Variants in ELOVL5 observed in about 807,000 individuals in gnomAD.
ELOVL5 encodes the protein very long chain fatty acid elongase 5.
A neutral mutation model predicts 38.6 loss-of-function variants in ELOVL5; 8 were observed. That is an observed-to-expected ratio of 0.21 (90% CI 0.12 to 0.37). ELOVL5 has a LOEUF of 0.37. ELOVL5 is among the 10% of genes least tolerant of loss of function. The probability of loss-of-function intolerance (pLI) is 1.00; values close to 1 mark genes in which losing one functional copy is unlikely to be tolerated. For missense variants in ELOVL5, 280 were observed against 367.8 expected (o/e 0.76, Z 1.95); for synonymous variants, 127 against 133.7 (o/e 0.95, Z 0.34).
chr6:53,277,893 A>G (rs1427291379), intron 3 of ELOVL5: 1 of 152,214 alleles, frequency 6.6e-6, no homozygotes, highest in East Asian at 1.9e-4. Flanking sequence ...CCAGGAGGGA[A>G]CCAAGGAACT....
intron 3 of ELOVL5, among the ~76,000 whole-genome samples, chr6:53,276,644 A>T (rs1299506804): frequency 6.6e-6 from 1 of 151,998 alleles, no homozygotes; most frequent in Non-Finnish European, 1.5e-5. Flanking sequence ...CTCAAACTTG[A>T]GTGTGCAGCA....
At chr6:53,317,807 T>C (rs1581972242) in intron 1 of ELOVL5, among the ~76,000 whole-genome samples, 1 of 147,358 alleles carries the variant, frequency 6.8e-6, no homozygotes, top group East Asian at 2.0e-4. Flanking sequence ...TAATAAAATT[T>C]TAAAAAAAGA....
intron 3 of ELOVL5, among the ~76,000 whole-genome samples, chr6:53,278,589 T>C (rs376247977): frequency 6.6e-6 from 1 of 152,210 alleles, no homozygotes; most frequent in East Asian, 1.9e-4. Context: ...CTTTGGAGTT[T>C]AGTTAAAGAA....
chr6:53,319,315 A>C (rs1015318839), intron 1 of ELOVL5, among the ~76,000 whole-genome samples: 2 of 138,436 alleles, frequency 1.4e-5, no homozygotes, highest in Admixed American at 1.5e-4. Flanking sequence ...AAAAAAAAAA[A>C]AGAAAGAAAG....
intron 1 of ELOVL5, among the ~76,000 whole-genome samples, chr6:53,334,451 A>G (rs9370199): frequency 0.36 from 55,272 of 151,978 alleles, 11,162 homozygotes; most frequent in African/African-American, 0.55. Flanking sequence ...AACCTATTTT[A>G]TTTTTATTAA....
At chr6:53,333,400 T>C (rs1369383319) in intron 1 of ELOVL5, among the ~76,000 whole-genome samples, 1 of 152,138 alleles carries the variant, frequency 6.6e-6, no homozygotes, top group Non-Finnish European at 1.5e-5. Flanking sequence ...ACTGACTTGA[T>C]CTGAAGAATG....
intron 1 of ELOVL5, among the ~76,000 whole-genome samples, chr6:53,315,678 G>C (rs1364163354): frequency 4.6e-5 from 7 of 152,096 alleles, no homozygotes; most frequent in African/African-American, 1.7e-4. Context: ...TCTGATTAAA[G>C]CAAAAGGGAA....
At chr6:53,309,274 G>C (rs1767726520) in intron 1 of ELOVL5, among the ~76,000 whole-genome samples, 1 of 152,110 alleles carries the variant, frequency 6.6e-6, no homozygotes, top group South Asian at 2.1e-4. Context: ...ATTGAACTGG[G>C]GCAGTATGGA....
chr6:53,326,608 C>A lies in ELOVL5; in HGVS notation c.-9+22209G>T, dbSNP rs78730627. 1.4e-4 allele frequency among the ~76,000 whole-genome samples: 21 copies of A among 152,308 alleles called. No individual in the cohort carries two copies. In the East Asian group the frequency reaches 4.0e-3, roughly 29 times the overall value. On this transcript the variant is annotated intron_variant, in intron 1 of 7. Coordinates refer to ENST00000304434, the MANE Select transcript of ELOVL5 (RefSeq NM_021814.5). ...ACCAGAGAAATCTTCCCTGATTCCT[C>A]CCGCAGAGCCCCAGACTAGGTTAGG...
intron 1 of ELOVL5, among the ~76,000 whole-genome samples, chr6:53,332,902 G>A (rs946215949): frequency 5.3e-5 from 8 of 152,222 alleles, no homozygotes; most frequent in African/African-American, 1.7e-4. Flanking sequence ...GGGCCACTAT[G>A]TGCCCCCAGC....
chr6:53,280,628 TGTTG>T (rs1766314535), intron 3 of ELOVL5, among the ~76,000 whole-genome samples: 1 of 152,226 alleles, frequency 6.6e-6, no homozygotes, highest in Non-Finnish European at 1.5e-5. Flanking sequence ...GGCCTGGCTG[TGTTG>T]CTCAGGCTGG....
In ELOVL5 at chr6:53,275,208, G is replaced by A. The variant is rs770493018; in HGVS notation, c.378C>T (p.Asp126=). The change falls in exon 5 of 8, where the codon GAC becomes GAT. Residue 126 remains aspartate, a synonymous_variant. Transcript: ENST00000304434. ...YYFSKLIEFM[D]TFFFILRKNN... ...TCTTGCGCAGGATGAAGAAGAAAGT[G>A]TCCATAAATTCTATGAGTTTGGAGA... The A allele has an allele frequency of 1.2e-6, 2 of 1,614,168 alleles. No homozygotes were observed. Among genetic ancestry groups the A allele is most frequent in the Non-Finnish European group, 1.7e-6 (2 of 1,180,000 alleles).
At chr6:53,340,941 G>A (rs1561895928) in intron 1 of ELOVL5, among the ~76,000 whole-genome samples, 3 of 152,136 alleles carry the variant, frequency 2.0e-5, no homozygotes, top group Non-Finnish European at 2.9e-5. Flanking sequence ...TTCTCTGAGC[G>A]TATATACCTT....
intron 1 of ELOVL5, among the ~76,000 whole-genome samples, chr6:53,305,031 C>T (rs1232313296): frequency 2.0e-5 from 3 of 150,760 alleles, no homozygotes; most frequent in East Asian, 2.0e-4. Context: ...ACCTCCCGGA[C>T]GGGGCGGCTG....
At chr6:53,309,671 A>G (rs1312177497) in intron 1 of ELOVL5, among the ~76,000 whole-genome samples, 1 of 152,176 alleles carries the variant, frequency 6.6e-6, no homozygotes, top group Non-Finnish European at 1.5e-5. Flanking sequence ...GGATTAGGTG[A>G]TAACAGATGT....
intron 1 of ELOVL5, among the ~76,000 whole-genome samples, chr6:53,314,653 T>C (rs566648427): frequency 8.5e-5 from 13 of 152,096 alleles, no homozygotes; most frequent in Non-Finnish European, 1.8e-4. Context: ...TCATGACCCA[T>C]ATTTTCAGTT....
intron 1 of ELOVL5, among the ~76,000 whole-genome samples, chr6:53,348,358 C>G (rs1169428994): frequency 6.6e-6 from 1 of 151,874 alleles, no homozygotes; most frequent in Non-Finnish European, 1.5e-5. Context: ...ACCCGGGTTT[C>G]GCCGACTCCA....
At chr6:53,282,551 G>C (rs537412881) in intron 3 of ELOVL5, among the ~76,000 whole-genome samples, 205 of 152,300 alleles carry the variant, frequency 1.3e-3, no homozygotes, top group Admixed American at 3.0e-3. Context: ...GATACACTAG[G>C]GACAACTAAC....
rs188616412 is a variant in ELOVL5, at chr6:53,337,995, C to T, written c.-9+10822G>A. On this transcript the variant is annotated intron_variant, in intron 1 of 7. Transcript: ENST00000304434. The stretch of plus-strand genomic sequence containing the variant: ...TGGCGGAGGATGGTGCTCCTGACTA[C>T]GTTGGCCAACAGGGGAGGTATGTGG... 1.7e-3 allele frequency among the ~76,000 whole-genome samples: 263 copies of T among 152,242 alleles called. 2 individuals carry two copies. Among genetic ancestry groups the T allele is most frequent in the Middle Eastern group, 3.4e-3 (1 of 294 alleles).
Sources: allele counts gnomAD v4.1 joint callset (sites outside exome capture counted in the v4.1 genomes callset), GRCh38; gene constraint gnomAD v4.1.1; transcripts MANE v1.5; gene names NCBI Gene and HGNC (gene_info 2026-07-23, HGNC 2026-07-21).